REDIC1: variants seen among roughly 807,000 people sequenced by gnomAD.
REDIC1 encodes the protein HEI10 Interacting Protein 1.
At chr12:39,784,631 A>C in the REDIC1 span, among the ~76,000 whole-genome samples, 1 of 152,190 alleles carries the variant, frequency 6.6e-6, no homozygotes, top group Non-Finnish European at 1.5e-5. Flanking sequence ...CCTAGAAGAA[A>C]ATCTAGGCAA....
chr12:39,900,053 T>C, the REDIC1 span, among the ~76,000 whole-genome samples: 12 of 152,240 alleles, frequency 7.9e-5, no homozygotes, highest in Middle Eastern at 3.4e-3. Flanking sequence ...AATCAATAAA[T>C]GTAATCCAGC....
chr12:39,694,585 T>A, the REDIC1 span, among the ~76,000 whole-genome samples: 1 of 152,198 alleles, frequency 6.6e-6, no homozygotes, highest in Non-Finnish European at 1.5e-5. Flanking sequence ...CTGATCCTAG[T>A]GGTCAATACT....
the REDIC1 span, among the ~76,000 whole-genome samples, chr12:39,786,915 A>G: frequency 2.0e-5 from 3 of 152,228 alleles, no homozygotes; most frequent in African/African-American, 7.2e-5. Context: ...TTCTTGGCAT[A>G]GCAGTCATAA....
chr12:39,739,416 A>C, the REDIC1 span, among the ~76,000 whole-genome samples: 1 of 152,204 alleles, frequency 6.6e-6, no homozygotes, highest in South Asian at 2.1e-4. Context: ...GAGCGCAGGC[A>C]TTGAGAAAGC....
chr12:39,758,151 A>C, the REDIC1 span: 7 of 151,580 alleles, frequency 4.6e-5, no homozygotes, highest in Non-Finnish European at 7.4e-5. Flanking sequence ...TAAAGCACCT[A>C]ATTCAAGGAA....
the REDIC1 span, among the ~76,000 whole-genome samples, chr12:39,895,158 T>C: frequency 6.6e-6 from 1 of 152,042 alleles, no homozygotes; most frequent in Non-Finnish European, 1.5e-5. Flanking sequence ...TGCATATCAC[T>C]GTGCCCAGCC....
chr12:39,881,071 T>C, the REDIC1 span, among the ~76,000 whole-genome samples: 6 of 152,194 alleles, frequency 3.9e-5, no homozygotes, highest in South Asian at 1.0e-3. Flanking sequence ...CAATCAAATG[T>C]TACATAAAGC....
the REDIC1 span, among the ~76,000 whole-genome samples, chr12:39,714,975 G>C: frequency 6.6e-6 from 1 of 151,936 alleles, no homozygotes; most frequent in Non-Finnish European, 1.5e-5. Context: ...TCCTTTGTCA[G>C]ATGTATAGAT....
the REDIC1 span, among the ~76,000 whole-genome samples, chr12:39,891,421 A>T: frequency 6.6e-6 from 1 of 152,102 alleles, no homozygotes; most frequent in Non-Finnish European, 1.5e-5. Flanking sequence ...TTGTCTCCTC[A>T]GTAAATATCA....
the REDIC1 span, among the ~76,000 whole-genome samples, chr12:39,886,500 G>T: frequency 2.0e-5 from 3 of 151,626 alleles, no homozygotes; most frequent in Admixed American, 6.6e-5. Flanking sequence ...TTATTTAGGG[G>T]GTACTACATG....
At chr12:39,710,467 T>C in the REDIC1 span, among the ~76,000 whole-genome samples, 1 of 151,816 alleles carries the variant, frequency 6.6e-6, no homozygotes, top group Non-Finnish European at 1.5e-5. Context: ...ATCGTCTAAC[T>C]GACTTGATTT....
the REDIC1 span, among the ~76,000 whole-genome samples, chr12:39,896,922 C>T: frequency 6.6e-6 from 1 of 151,954 alleles, no homozygotes; most frequent in Non-Finnish European, 1.5e-5. Context: ...TTTGAACTTC[C>T]CAGAGAATGA....
the REDIC1 span, chr12:39,650,429 A>G: frequency 6.6e-7 from 1 of 1,509,536 alleles, no homozygotes; most frequent in Non-Finnish European, 8.8e-7. This position sits in a 1 kb window ranked among gnomAD's most constrained non-coding sequence, Gnocchi z 4.3. Flanking sequence ...ATTTTAATGG[A>G]CACAAATATT....
the REDIC1 span, among the ~76,000 whole-genome samples, chr12:39,737,378 C>A: frequency 6.6e-6 from 1 of 152,172 alleles, no homozygotes; most frequent in African/African-American, 2.4e-5. Flanking sequence ...TACTCCTTAA[C>A]CTAACTTTTA....
At chr12:39,904,333 A>G in the REDIC1 span, among the ~76,000 whole-genome samples, 1 of 152,184 alleles carries the variant, frequency 6.6e-6, no homozygotes, top group African/African-American at 2.4e-5. Flanking sequence ...GTTTAGACAC[A>G]GTGAACCACT....
At chr12:39,729,027 T>C in the REDIC1 span, among the ~76,000 whole-genome samples, 1 of 146,386 alleles carries the variant, frequency 6.8e-6, no homozygotes, top group Admixed American at 6.8e-5. Context: ...CATTTTTTGT[T>C]GTGTCTATTT....
the REDIC1 span, among the ~76,000 whole-genome samples, chr12:39,711,382 T>C: frequency 2.1e-5 from 3 of 146,170 alleles, no homozygotes; most frequent in Non-Finnish European, 3.0e-5. Context: ...TATACATATA[T>C]GTATGTGTGT....
the REDIC1 span, among the ~76,000 whole-genome samples, chr12:39,810,101 GGACTA>G: frequency 6.6e-6 from 1 of 152,152 alleles, no homozygotes; most frequent in East Asian, 1.9e-4. Context: ...CACAATGGTT[GGACTA>G]GTTTACAGTC....
the REDIC1 span, among the ~76,000 whole-genome samples, chr12:39,840,606 C>T: frequency 4.2e-3 from 637 of 152,070 alleles, 3 homozygotes; most frequent in African/African-American, 0.014. Flanking sequence ...TACTTTCCAC[C>T]TTATCTTTCC....
Sources: gnomAD v4.1 joint callset for allele counts (sites outside exome capture counted in the v4.1 genomes callset) on GRCh38, gnomAD v4.1.1 for gene constraint, Gnocchi (gnomAD v3.1) non-coding constraint, MANE v1.5 for transcripts, NCBI Gene and HGNC (gene_info 2026-07-23, HGNC 2026-07-21) for gene names.